PLPPR1: variants seen among roughly 807,000 people sequenced by gnomAD.
PLPPR1 encodes phospholipid phosphatase related 1.
PLPPR1 carries 10 observed loss-of-function variants against 33.1 expected under a neutral mutation model. The ratio of observed to expected loss-of-function variants is 0.30; its 90% CI spans 0.19 to 0.51. PLPPR1 has a LOEUF of 0.51. Among genes scored for constraint, PLPPR1 ranks in the 20% least tolerant of loss-of-function variants. The pLI, the probability that PLPPR1 is intolerant of heterozygous loss-of-function variation, is 0.97. For missense variants in PLPPR1, 304 were observed against 408.1 expected (o/e 0.74, Z 2.20); for synonymous variants, 151 against 151.0 (o/e 1.00, Z 0.00).
At chr9:101,124,855 G>A (rs1158898812) in intron 1 of PLPPR1, among the ~76,000 whole-genome samples, 1 of 152,228 alleles carries the variant, frequency 6.6e-6, no homozygotes, top group African/African-American at 2.4e-5. Context: ...AAGGCCTGCG[G>A]CCTTAAGATG....
intron 1 of PLPPR1, among the ~76,000 whole-genome samples, chr9:101,063,143 G>A (rs1830366631): frequency 6.6e-6 from 1 of 152,064 alleles, no homozygotes. Flanking sequence ...CTTTCAGAAA[G>A]TGTAAAAGCT....
At chr9:101,140,891 A>T (rs568924261) in intron 1 of PLPPR1, among the ~76,000 whole-genome samples, 1 of 152,286 alleles carries the variant, frequency 6.6e-6, no homozygotes, top group South Asian at 2.1e-4. Context: ...TGCAAGGCAG[A>T]TGTGAGAAAG....
At chr9:101,095,231 T>C (rs1199003575) in intron 1 of PLPPR1, among the ~76,000 whole-genome samples, 1 of 151,680 alleles carries the variant, frequency 6.6e-6, no homozygotes, top group Non-Finnish European at 1.5e-5. Context: ...CAAGATTTTA[T>C]TTGAATAACA....
At chr9:101,280,265 A>G (rs1828274233) in intron 3 of PLPPR1, among the ~76,000 whole-genome samples, 1 of 152,154 alleles carries the variant, frequency 6.6e-6, no homozygotes, top group South Asian at 2.1e-4. Context: ...GAATAGATCA[A>G]TAACAAGTAA....
intron 1 of PLPPR1, among the ~76,000 whole-genome samples, chr9:101,164,990 C>G (rs545422606): frequency 1.3e-5 from 2 of 151,994 alleles, no homozygotes; most frequent in Non-Finnish European, 2.9e-5. Context: ...TTTAGTCACC[C>G]CTTCCACAGT....
At chr9:101,060,905 T>A (rs1399411057) in intron 1 of PLPPR1, among the ~76,000 whole-genome samples, 1 of 151,906 alleles carries the variant, frequency 6.6e-6, no homozygotes, top group Non-Finnish European at 1.5e-5. Context: ...CTCCTTTTTT[T>A]AACAAAAAAA....
intron 2 of PLPPR1, among the ~76,000 whole-genome samples, chr9:101,262,704 T>C (rs1827922660): frequency 6.6e-6 from 1 of 152,132 alleles, no homozygotes; most frequent in Admixed American, 6.5e-5. Context: ...TACATGCCCA[T>C]GTATGTTTAT....
intron 1 of PLPPR1, among the ~76,000 whole-genome samples, chr9:101,151,527 T>C (rs1831585310): frequency 6.6e-6 from 1 of 152,216 alleles, no homozygotes; most frequent in Admixed American, 6.5e-5. Flanking sequence ...TCATACAGAA[T>C]AGCAGAGCAG....
intron 1 of PLPPR1, among the ~76,000 whole-genome samples, chr9:101,177,721 A>G (rs1185893184): frequency 5.3e-5 from 8 of 151,980 alleles, no homozygotes; most frequent in Non-Finnish European, 1.0e-4. Context: ...AAATATTTTC[A>G]TGTTAGTCAT....
intron 3 of PLPPR1, among the ~76,000 whole-genome samples, chr9:101,281,103 A>G (rs1828291459): frequency 6.6e-6 from 1 of 152,092 alleles, no homozygotes; most frequent in Admixed American, 6.6e-5. Flanking sequence ...CAAACAAAAA[A>G]ATGGTAGCAT....
intron 1 of PLPPR1, among the ~76,000 whole-genome samples, chr9:101,134,926 A>T (rs1248590275): frequency 6.6e-6 from 1 of 152,128 alleles, no homozygotes; most frequent in Non-Finnish European, 1.5e-5. Flanking sequence ...TTATGGGGCA[A>T]CAGAGGACCT....
At chr9:101,041,297 G>A (rs1415278392) in intron 1 of PLPPR1, among the ~76,000 whole-genome samples, 13 of 152,134 alleles carry the variant, frequency 8.5e-5, no homozygotes, top group South Asian at 6.2e-4. Context: ...CAGGTAAAGC[G>A]GTGCAATTCA....
chr9:101,101,296 TAA>T (rs1047254949), intron 1 of PLPPR1, among the ~76,000 whole-genome samples: 1 of 152,156 alleles, frequency 6.6e-6, no homozygotes, highest in African/African-American at 2.4e-5. Flanking sequence ...CAAAATATAA[TAA>T]GTGTCCTTGG....
At chr9:101,287,273 A>G (rs1404325000) in intron 4 of PLPPR1, among the ~76,000 whole-genome samples, 1 of 152,310 alleles carries the variant, frequency 6.6e-6, no homozygotes, top group Non-Finnish European at 1.5e-5. Context: ...CAAGTTTGCA[A>G]TTGGCTTACA....
chr9:101,068,273 G>A (rs1830443764), intron 1 of PLPPR1, among the ~76,000 whole-genome samples: 1 of 152,004 alleles, frequency 6.6e-6, no homozygotes, highest in African/African-American at 2.4e-5. Flanking sequence ...GTATGTGGGA[G>A]AGAAGAAAGA....
chr9:101,043,413 G>GTGTATATATACATA (rs914153060), intron 1 of PLPPR1, among the ~76,000 whole-genome samples: 1 of 150,144 alleles, frequency 6.7e-6, no homozygotes, highest in Non-Finnish European at 1.5e-5. Context: ...ATATGTATGT[G>GTGTATATATACATA]TGTATATATA....
intron 1 of PLPPR1, among the ~76,000 whole-genome samples, chr9:101,048,232 G>T (rs1228174442): frequency 6.6e-6 from 1 of 152,180 alleles, no homozygotes; most frequent in African/African-American, 2.4e-5. Context: ...TGCCAAATAG[G>T]CTTGTTCTGT....
At chr9:101,238,796 A>G (rs1451740970) in intron 2 of PLPPR1, among the ~76,000 whole-genome samples, 1 of 151,868 alleles carries the variant, frequency 6.6e-6, no homozygotes, top group African/African-American at 2.4e-5. Context: ...ATAAATTAAG[A>G]TTATTGTTAG....
intron 3 of PLPPR1, among the ~76,000 whole-genome samples, chr9:101,283,186 A>G (rs1479123507): frequency 6.6e-6 from 1 of 152,178 alleles, no homozygotes; most frequent in Non-Finnish European, 1.5e-5. Flanking sequence ...AAAGTCATCA[A>G]TCAAAAAAGA....
Sources: allele counts gnomAD v4.1 joint callset (sites outside exome capture counted in the v4.1 genomes callset), GRCh38; gene constraint gnomAD v4.1.1; transcripts MANE v1.5; gene names NCBI Gene and HGNC (gene_info 2026-07-23, HGNC 2026-07-21).